Variants in SFMBT2 observed in about 807,000 individuals in gnomAD.
SFMBT2 encodes scm-like with four MBT domains protein 2.
In SFMBT2, 38 loss-of-function variants were observed where a neutral mutation model predicts 110.1. That is an observed-to-expected ratio of 0.35 (90% CI 0.27 to 0.45). The LOEUF (loss-of-function observed/expected upper bound fraction) is 0.45. Ranked by LOEUF, SFMBT2 falls within the 20% of genes least tolerant of loss-of-function variation. SFMBT2 has a pLI of 1.00. For synonymous variants in SFMBT2, 425 were observed against 425.4 expected (o/e 1.00, Z 0.01); for missense variants, 1,011 against 1,094.9 (o/e 0.92, Z 1.08).
At chr10:7,295,233 G>C (rs372525646) in intron 4 of SFMBT2, 1 of 152,212 alleles carries the variant, frequency 6.6e-6, no homozygotes, top group East Asian at 1.9e-4. Flanking sequence ...CTGAGACAAA[G>C]CTGCAACCCC....
chr10:7,301,127 T>C lies in SFMBT2; in HGVS notation c.437-15173A>G, dbSNP rs1259442498. Among the ~76,000 whole-genome samples the C allele has an allele frequency of 6.6e-6, 1 of 152,132 alleles. No individual in the cohort carries two copies. The highest frequency in any genetic ancestry group is 6.5e-5 in the Admixed American group (1 of 15,276). ...GCACCAGGGCCAGGATGCTTCCCGA[T>C]GGAGGCAGTTGAGAACCATGCCTGC... On this transcript the variant is annotated intron_variant, in intron 4 of 20. Transcript: ENST00000397167. This position sits in a 1 kb window ranked among gnomAD's most constrained non-coding sequence, Gnocchi z 4.2.
chr10:7,273,265 A>T (rs899837861), intron 7 of SFMBT2, among the ~76,000 whole-genome samples: 2 of 152,272 alleles, frequency 1.3e-5, no homozygotes, highest in African/African-American at 4.8e-5. Flanking sequence ...TGCCAAAGTC[A>T]GCCAGACCAA....
chr10:7,188,249 T>C (rs766991492), intron 16 of SFMBT2, among the ~76,000 whole-genome samples: 2 of 152,182 alleles, frequency 1.3e-5, no homozygotes, highest in Non-Finnish European at 2.9e-5. Flanking sequence ...ATAGTCTATA[T>C]AATATCAAAA....
At chr10:7,225,381 A>G (rs1839869884) in intron 10 of SFMBT2, among the ~76,000 whole-genome samples, 1 of 152,168 alleles carries the variant, frequency 6.6e-6, no homozygotes, top group African/African-American at 2.4e-5. Context: ...CTCCTCTAAT[A>G]CACAGGAGAT....
At chr10:7,220,601 G>A (rs1839695630) in intron 10 of SFMBT2, 64 bp from the exon 11 acceptor site, 24 of 1,580,586 alleles carry the variant, frequency 1.5e-5, no homozygotes, top group East Asian at 2.2e-5. Context: ...CTGGGCAGAT[G>A]AAGAAAGAGA....
intron 11 of SFMBT2, among the ~76,000 whole-genome samples, chr10:7,211,808 T>C (rs146143473): frequency 3.3e-5 from 5 of 152,332 alleles, no homozygotes; most frequent in South Asian, 4.1e-4. Flanking sequence ...CCAAAATGCA[T>C]AGTAACTACC....
chr10:7,369,563 T>G (rs1302384652), intron 3 of SFMBT2, among the ~76,000 whole-genome samples: 1 of 152,238 alleles, frequency 6.6e-6, no homozygotes, highest in Non-Finnish European at 1.5e-5. Flanking sequence ...GTGGTTTTTT[T>G]GGTTGGATCC....
Position 7,381,788 on chromosome 10 carries a change from CA to C in SFMBT2, c.100+10del, listed in dbSNP as rs756617145. The C allele has an allele frequency of 7.0e-5, 113 of 1,608,824 alleles. No individual in the cohort carries two copies. The highest frequency in any genetic ancestry group is 8.8e-5 in the Non-Finnish European group (104 of 1,178,206). On this transcript the variant is annotated intron_variant, in intron 2 of 20. Coordinates refer to ENST00000397167, the MANE Select transcript of SFMBT2 (RefSeq NM_001387889.1). ...CAAAAATCCAGATGAATCTCGAAAA[CA>C]AAATCCTACCAGAATCAAGGTCTCC... is the stretch of plus-strand genomic sequence containing the variant.
chr10:7,377,807 G>A (rs138666257), intron 2 of SFMBT2, among the ~76,000 whole-genome samples: 3,423 of 152,282 alleles, frequency 0.022, 68 homozygotes, highest in Admixed American at 0.051. Context: ...AGCCCAGTTC[G>A]TAACAGCCCA....
chr10:7,365,071 T>C (rs1332223254), intron 4 of SFMBT2, among the ~76,000 whole-genome samples: 1 of 152,178 alleles, frequency 6.6e-6, no homozygotes, highest in East Asian at 1.9e-4. Flanking sequence ...TTAGGCTGGG[T>C]CTGGGGCTGA....
chr10:7,347,834 A>T (rs1844168658), intron 4 of SFMBT2, among the ~76,000 whole-genome samples: 1 of 152,244 alleles, frequency 6.6e-6, no homozygotes. Context: ...TATTCATGTC[A>T]ACATTCACCC....
intron 1 of SFMBT2, 100 bp from the exon 2 acceptor site, chr10:7,382,049 T>C: frequency 1.8e-6 from 1 of 545,802 alleles, no homozygotes; most frequent in Non-Finnish European, 3.1e-6. Context: ...TTAGTGCCAC[T>C]ACCATTTCAT....
rs569281325 is a variant in SFMBT2, at chr10:7,400,513, G to C, written c.-52+10348C>G. On this transcript the variant is annotated intron_variant, in intron 1 of 20. Coordinates refer to ENST00000397167, the MANE Select transcript of SFMBT2 (RefSeq NM_001387889.1). ...GAAAAAAACGCCAAATTACTCCACA[G>C]CTGTCGGCTTCTATGAAGTTGATGG... Among the ~76,000 whole-genome samples, 3 of 152,274 alleles carry C rather than the reference G, an allele frequency of 2.0e-5. No homozygotes were observed. In the East Asian group the frequency reaches 5.8e-4, roughly 29 times the overall value.
intron 4 of SFMBT2, among the ~76,000 whole-genome samples, chr10:7,351,980 C>T (rs764539764): frequency 7.9e-5 from 12 of 151,960 alleles, no homozygotes; most frequent in Non-Finnish European, 1.3e-4. Context: ...CAGTTTGTCA[C>T]GGTGAAGATG....
intron 4 of SFMBT2, among the ~76,000 whole-genome samples, chr10:7,322,249 C>T (rs1031832473): frequency 2.6e-5 from 4 of 152,202 alleles, no homozygotes; most frequent in Admixed American, 2.6e-4. Flanking sequence ...TTGCCTGCCA[C>T]CATGTAAGAT....
At chr10:7,201,641 G>A (rs1230673421) in intron 13 of SFMBT2, among the ~76,000 whole-genome samples, 1 of 152,148 alleles carries the variant, frequency 6.6e-6, no homozygotes, top group Non-Finnish European at 1.5e-5. Context: ...GTTTTCACCT[G>A]TCTTTCCATC....
intron 10 of SFMBT2, 128 bp from the exon 11 acceptor site, chr10:7,220,665 T>C (rs1839698207): frequency 3.2e-6 from 3 of 949,814 alleles, no homozygotes; most frequent in Admixed American, 2.2e-5. Flanking sequence ...ACGTATGTGT[T>C]TGTCCTTCCC....
intron 4 of SFMBT2, among the ~76,000 whole-genome samples, chr10:7,327,879 C>T (rs1431736966): frequency 6.6e-6 from 1 of 152,172 alleles, no homozygotes; most frequent in Non-Finnish European, 1.5e-5. Context: ...CTTAAAGACA[C>T]CTGGGCTGTT....
chr10:7,236,815 C>A (rs1367245217), intron 9 of SFMBT2, among the ~76,000 whole-genome samples: 1 of 151,982 alleles, frequency 6.6e-6, no homozygotes. Flanking sequence ...TTAAAAAAAA[C>A]CATTAAAAAG....
Sources: gnomAD v4.1 joint callset for allele counts (sites outside exome capture counted in the v4.1 genomes callset) on GRCh38, gnomAD v4.1.1 for gene constraint, Gnocchi (gnomAD v3.1) non-coding constraint, MANE v1.5 for transcripts, NCBI Gene and HGNC (gene_info 2026-07-23, HGNC 2026-07-21) for gene names.